NEGR1: variants seen among roughly 807,000 people sequenced by gnomAD.
NEGR1 encodes the protein IgLON family member 4.
In NEGR1, 10 loss-of-function variants were observed where a neutral mutation model predicts 40.9. That is an observed-to-expected ratio of 0.24 (90% CI 0.15 to 0.42). The LOEUF is 0.42. Ranked by LOEUF, NEGR1 falls within the 10% of genes least tolerant of loss-of-function variation. The pLI is 1.00. For missense variants in NEGR1, 352 were observed against 438.9 expected (o/e 0.80, Z 1.77); for synonymous variants, 185 against 166.8 (o/e 1.11, Z -0.84).
chr1:71,941,834 T>G (rs1012277458), intron 1 of NEGR1, among the ~76,000 whole-genome samples: 3 of 152,214 alleles, frequency 2.0e-5, no homozygotes, highest in Non-Finnish European at 4.4e-5. Context: ...TGAGTTAGGT[T>G]ATATCAAAAA....
chr1:72,098,749 G>A (rs559419673), intron 1 of NEGR1, among the ~76,000 whole-genome samples: 3 of 152,002 alleles, frequency 2.0e-5, no homozygotes, highest in Non-Finnish European at 4.4e-5. Context: ...TCTAGCAGCC[G>A]TAGGAAGTCT....
At chr1:71,513,747 C>T (rs914205943) in intron 6 of NEGR1, among the ~76,000 whole-genome samples, 13 of 152,126 alleles carry the variant, frequency 8.5e-5, no homozygotes, top group East Asian at 1.9e-4. Context: ...TGAACAGCTC[C>T]GGTCTACAGC....
intron 4 of NEGR1, among the ~76,000 whole-genome samples, chr1:71,616,794 A>G (rs1650459449): frequency 6.6e-6 from 1 of 152,238 alleles, no homozygotes; most frequent in African/African-American, 2.4e-5. Context: ...AGTAAAAACC[A>G]AACATCACTG....
intron 2 of NEGR1, among the ~76,000 whole-genome samples, chr1:71,838,312 A>G (rs1195193958): frequency 6.6e-6 from 1 of 152,190 alleles, no homozygotes; most frequent in African/African-American, 2.4e-5. Context: ...TTTAAATATA[A>G]CCATGTAAGA....
At chr1:71,833,270 C>T (rs1658901142) in intron 2 of NEGR1, among the ~76,000 whole-genome samples, 1 of 151,890 alleles carries the variant, frequency 6.6e-6, no homozygotes, top group Admixed American at 6.6e-5. Flanking sequence ...CTGGCAGTAA[C>T]AAGATGTTAG....
At chr1:71,925,289 C>A (rs886564950) in intron 2 of NEGR1, among the ~76,000 whole-genome samples, 4 of 152,160 alleles carry the variant, frequency 2.6e-5, no homozygotes, top group African/African-American at 9.7e-5. Flanking sequence ...TGTTTAAGGG[C>A]CACTTGTCCA....
At chr1:72,205,728 C>T (rs1653370203) in intron 1 of NEGR1, among the ~76,000 whole-genome samples, 1 of 137,510 alleles carries the variant, frequency 7.3e-6, no homozygotes, top group Non-Finnish European at 1.5e-5. Flanking sequence ...CAAGACCAGC[C>T]CGGGCAAATG....
chr1:71,941,006 G>A (rs1178742548), intron 1 of NEGR1, among the ~76,000 whole-genome samples: 1 of 152,078 alleles, frequency 6.6e-6, no homozygotes, highest in Non-Finnish European at 1.5e-5. Context: ...ATTAATGAAA[G>A]CTCCTATTAA....
In NEGR1 at chr1:71,399,512, T is replaced by TA. The variant is rs1208746062; in HGVS notation, c.*7933dup. 2.6e-5 allele frequency: 4 copies of TA among 152,228 alleles called. No individual in the cohort carries two copies. Among genetic ancestry groups the TA allele is most frequent in the Admixed American group, 2.6e-4 (4 of 15,278 alleles). 9.4% of individuals were successfully genotyped at this position (152,228 alleles called of 1,614,324 possible). A position where few individuals can be genotyped will look rare whatever the true frequency, so the allele number is the denominator to read the frequency against. ...TGCTAACGTCTTAGCAAATAAAACT[T>TA]AAACAGAAACTGTTGGTTGCACTGT... On this transcript the variant is annotated 3_prime_UTR_variant, in exon 7 of 7. Coordinates refer to ENST00000357731, the MANE Select transcript of NEGR1 (RefSeq NM_173808.3).
chr1:71,976,565 T>G (rs936359275), intron 1 of NEGR1, among the ~76,000 whole-genome samples: 3 of 152,238 alleles, frequency 2.0e-5, no homozygotes, highest in African/African-American at 7.2e-5. Context: ...AGAATTTTTT[T>G]GCATGATCTC....
intron 3 of NEGR1, among the ~76,000 whole-genome samples, chr1:71,706,003 A>G (rs1653883528): frequency 6.6e-6 from 1 of 152,164 alleles, no homozygotes; most frequent in Non-Finnish European, 1.5e-5. Flanking sequence ...ACACTTTCAT[A>G]AGAACCAAAA....
At chr1:71,631,294 T>G (rs1650961435) in intron 4 of NEGR1, among the ~76,000 whole-genome samples, 2 of 151,838 alleles carry the variant, frequency 1.3e-5, no homozygotes, top group African/African-American at 4.8e-5. Context: ...GTTAGCACAT[T>G]CAATAGAGAG....
intron 1 of NEGR1, among the ~76,000 whole-genome samples, chr1:72,261,917 A>G (rs1655470977): frequency 6.6e-6 from 1 of 151,994 alleles, no homozygotes; most frequent in African/African-American, 2.4e-5. Context: ...GGTACAATGT[A>G]CTTTATTTGG....
chr1:72,182,821 T>C (rs1652434027), intron 1 of NEGR1, among the ~76,000 whole-genome samples: 1 of 111,398 alleles, frequency 9.0e-6, no homozygotes, highest in Non-Finnish European at 1.8e-5. Flanking sequence ...TATATGTGTG[T>C]GTGTACATAT....
chr1:71,599,255 AT>A (rs1456781482), intron 5 of NEGR1, among the ~76,000 whole-genome samples: 2 of 152,344 alleles, frequency 1.3e-5, no homozygotes, highest in East Asian at 1.9e-4. Flanking sequence ...GAACAGATAC[AT>A]TTCCTCTCAG....
At chr1:71,498,143 T>C (rs769776514) in intron 6 of NEGR1, among the ~76,000 whole-genome samples, 2 of 150,694 alleles carry the variant, frequency 1.3e-5, no homozygotes, top group African/African-American at 4.9e-5. Context: ...AGTTGAAAGG[T>C]AATGGTCATC....
chr1:71,604,617 T>C (rs1018787221), intron 5 of NEGR1, among the ~76,000 whole-genome samples: 1 of 152,154 alleles, frequency 6.6e-6, no homozygotes. Flanking sequence ...AATTGTTATC[T>C]AAAGTGAAAC....
In NEGR1 at chr1:71,721,578, C is replaced by T. The variant is rs368251269; in HGVS notation, c.536-23439G>A. Among the ~76,000 whole-genome samples, 11 of 152,222 alleles carry T rather than the reference C, an allele frequency of 7.2e-5. 1 individual carries two copies. The East Asian group carries it at 1.2e-3, about 16-fold the overall frequency. On this transcript the variant is annotated intron_variant, in intron 3 of 6. Transcript: ENST00000357731. ...GCAAGTTTTCTAAAAGTTGGCACTA[C>T]TGCTATTTTGGACCATATAATTCTT...
intron 1 of NEGR1, among the ~76,000 whole-genome samples, chr1:72,281,812 G>A (rs1219972796): frequency 3.3e-5 from 5 of 151,714 alleles, no homozygotes; most frequent in Admixed American, 3.3e-4. Flanking sequence ...GAATGAGGAA[G>A]GAGAAAAGAA....
Sources: gnomAD v4.1 joint callset for allele counts (sites outside exome capture counted in the v4.1 genomes callset) on GRCh38, gnomAD v4.1.1 for gene constraint, MANE v1.5 for transcripts, NCBI Gene and HGNC (gene_info 2026-07-23, HGNC 2026-07-21) for gene names.